Variants in COL4A4 observed in about 807,000 individuals in gnomAD.
The protein encoded by COL4A4 is collagen alpha-4(IV) chain.
A neutral mutation model predicts 192.9 loss-of-function variants in COL4A4; 105 were observed. The observed-to-expected ratio is 0.54, with a 90% CI of 0.46 to 0.64. COL4A4 has a LOEUF of 0.64. Ranked by LOEUF, COL4A4 falls within the 30% of genes least tolerant of loss-of-function variation. The probability of loss-of-function intolerance (pLI) is 0.00; values close to 1 mark genes in which losing one functional copy is unlikely to be tolerated. For missense variants in COL4A4, 1,967 were observed against 2,169.3 expected, an observed-to-expected ratio of 0.91 and a Z score of 1.85; for synonymous variants, 762 against 769.9, an observed-to-expected ratio of 0.99 and a Z score of 0.17.
rs181175383 is a variant in COL4A4, at chr2:227,077,451, T to G, written c.1987+443A>C. 4.3e-3 allele frequency among the ~76,000 whole-genome samples: 647 copies of G among 152,044 alleles called. 4 individuals carry two copies. Among genetic ancestry groups the G allele is most frequent in the African/African-American group, 0.015 (610 of 41,472 alleles). Reference sequence around the variant, plus strand: ...GTGGGAGTTGAACAATGAGAACACATGGACACAGGGAGGGGAACATCACAT... The same window carrying G: ...GTGGGAGTTGAACAATGAGAACACAGGGACACAGGGAGGGGAACATCACAT... On this transcript the variant is annotated intron_variant, in intron 25 of 47. Transcript: ENST00000396625.
rs545808060 is a variant in COL4A4, at chr2:227,114,679, C to G, written c.507G>C (p.Lys169Asn). 2.8e-4 allele frequency: 454 copies of G among 1,613,738 alleles called. 8 individuals are homozygous for G. The South Asian group carries it at 4.5e-3, about 16-fold the overall frequency. ...TGAACACTGAATTTCCTTTTTCTCC[C>G]TTTTCCCCAGGATGGCCCTGAAAAT... ...PGGPLGHPGE[K>N]GEKGNSVFIL... Residue 169 changes from lysine to asparagine, a missense_variant, in exon 8 of 48, where the codon AAG becomes AAC. Lys to Asn is a moderately conservative substitution (Grantham distance 94, BLOSUM62 0). Transcript: ENST00000396625.
chr2:226,983,548 G>A, the COL4A4 span, among the ~76,000 whole-genome samples: 9 of 152,268 alleles, frequency 5.9e-5, no homozygotes, highest in South Asian at 8.3e-4. Context: ...TTGACCACTC[G>A]GGGATGGTTG....
intron 26 of COL4A4, 152 bp from the exon 27 acceptor site, chr2:227,060,395 A>G: frequency 1.6e-6 from 1 of 607,846 alleles, no homozygotes; most frequent in African/African-American, 1.9e-5. Context: ...TTACAAAAAT[A>G]TATTGTAAGT....
At chr2:227,053,920 T>C (rs1016973483) in intron 31 of COL4A4, among the ~76,000 whole-genome samples, 2 of 152,122 alleles carry the variant, frequency 1.3e-5, no homozygotes, top group Admixed American at 1.3e-4. Context: ...TCATGGTAGT[T>C]GAGAAGTTGG....
intron 35 of COL4A4, among the ~76,000 whole-genome samples, chr2:227,044,601 G>A (rs1972070944): frequency 7.3e-6 from 1 of 137,580 alleles, no homozygotes; most frequent in African/African-American, 2.7e-5. Flanking sequence ...ATCTACAAAT[G>A]AAAACACTGA....
chr2:226,970,628 C>T, the COL4A4 span, among the ~76,000 whole-genome samples: 3 of 152,194 alleles, frequency 2.0e-5, no homozygotes, highest in African/African-American at 7.2e-5. Flanking sequence ...GAGGCACTCA[C>T]CACCTGGAGG....
intron 25 of COL4A4, among the ~76,000 whole-genome samples, chr2:227,073,730 G>T (rs1186788024): frequency 6.6e-6 from 1 of 152,034 alleles, no homozygotes; most frequent in African/African-American, 2.4e-5. Flanking sequence ...AGAGAATCCA[G>T]AAACAAAGCC....
At chr2:227,105,155 T>C (rs1371287683) in intron 12 of COL4A4, among the ~76,000 whole-genome samples, 1 of 151,336 alleles carries the variant, frequency 6.6e-6, no homozygotes, top group East Asian at 1.9e-4. Context: ...TGTGAGCCTT[T>C]TTCTATTATA....
intron 25 of COL4A4, among the ~76,000 whole-genome samples, chr2:227,068,353 C>T (rs2058482656): frequency 6.6e-6 from 1 of 152,188 alleles, no homozygotes; most frequent in African/African-American, 2.4e-5. Flanking sequence ...AGGGAATCCT[C>T]CCTAACTCAT....
Position 227,056,041 on chromosome 2 carries a change from G to A in COL4A4, c.2620C>T (p.Leu874Phe), listed in dbSNP as rs1425859536. 2 of 1,613,972 alleles carry A rather than the reference G, an allele frequency of 1.2e-6. No homozygotes were observed. Among genetic ancestry groups the A allele is most frequent in the East Asian group, 4.5e-5 (2 of 44,862 alleles). ...GPAGMKGLPGLPGRPGAHGPP... is the reference protein window; with the variant it reads ...GPAGMKGLPGFPGRPGAHGPP... ...CCATGTGCCCCAGGCCGTCCTGGGA[G>A]TCCGGGGAGGCCTTTCATTCCAGCT... The change falls in exon 30 of 48, where the codon CTC becomes TTC. Residue 874 changes from leucine to phenylalanine, a missense_variant. By Grantham distance (22) the Leu-to-Phe change is conservative. Transcript: ENST00000396625.
intron 4 of COL4A4, among the ~76,000 whole-genome samples, chr2:227,138,595 C>T (rs920125361): frequency 3.3e-5 from 5 of 149,340 alleles, no homozygotes; most frequent in Admixed American, 6.7e-5. Context: ...ATCGCGCCAC[C>T]GCACTCCAGC....
intron 4 of COL4A4, among the ~76,000 whole-genome samples, chr2:227,132,061 C>G (rs747320360): frequency 6.6e-6 from 1 of 152,232 alleles, no homozygotes; most frequent in Admixed American, 6.5e-5. Flanking sequence ...TAGAAACTGA[C>G]AGAAGGCTTC....
intron 30 of COL4A4, 139 bp from the exon 31 acceptor site, chr2:227,054,876 G>A: frequency 1.1e-6 from 1 of 934,470 alleles, no homozygotes; most frequent in South Asian, 1.5e-5. Flanking sequence ...TGCAACCTCT[G>A]CCTCCCAAGT....
chr2:227,016,272 A>C (rs148745854), intron 44 of COL4A4, among the ~76,000 whole-genome samples: 59 of 152,320 alleles, frequency 3.9e-4, no homozygotes, highest in African/African-American at 1.3e-3. Flanking sequence ...AAACCGCTCC[A>C]CACAGTAGGC....
chr2:227,092,864 G>A (rs371629690), intron 20 of COL4A4, among the ~76,000 whole-genome samples: 15 of 152,260 alleles, frequency 9.9e-5, no homozygotes, highest in Admixed American at 5.9e-4. Flanking sequence ...TTCATCTTCC[G>A]TAAAGGAAAG....
At chr2:227,087,220 G>A (rs572655172) in intron 22 of COL4A4, among the ~76,000 whole-genome samples, 2 of 152,282 alleles carry the variant, frequency 1.3e-5, no homozygotes, top group Admixed American at 6.5e-5. Context: ...GAACCACCTT[G>A]AGGTAAATCT....
At chr2:226,975,706 T>C in the COL4A4 span, among the ~76,000 whole-genome samples, 5 of 152,356 alleles carry the variant, frequency 3.3e-5, no homozygotes, top group Admixed American at 1.3e-4. Context: ...CTTGGAATTT[T>C]CGACAATGAT....
At position 227,046,094 on chromosome 2, in the gene COL4A4, C is replaced by CAT. The variant is rs769714647; in HGVS notation, c.3289+1379_3289+1380dup. On this transcript the variant is annotated intron_variant, in intron 35 of 47. Transcript: ENST00000396625. ...ATATATATATTTAGATATATATGTA[C>CAT]ATATATATATATCTAAATATATTTG... Among the ~76,000 whole-genome samples the CAT allele has an allele frequency of 3.7e-3, 246 of 67,244 alleles. 2 individuals are homozygous for CAT. Among genetic ancestry groups the CAT allele is most frequent in the African/African-American group, 0.015 (220 of 14,550 alleles). The allele number at this position is 67,244 out of a possible 152,430, so 44.1% of individuals were successfully genotyped here.
At chr2:226,995,167 TGGAA>T in the COL4A4 span, among the ~76,000 whole-genome samples, 2 of 151,716 alleles carry the variant, frequency 1.3e-5, no homozygotes, top group Admixed American at 6.6e-5. Flanking sequence ...TGGAGCACGA[TGGAA>T]GGAAAAATAC....
Sources: allele counts gnomAD v4.1 joint callset (sites outside exome capture counted in the v4.1 genomes callset), GRCh38; gene constraint gnomAD v4.1.1; transcripts MANE v1.5; gene names NCBI Gene and HGNC (gene_info 2026-07-23, HGNC 2026-07-21).